The following STAU2 variants were observed in gnomAD, a reference collection of about 807,000 sequenced individuals.
STAU2 encodes the protein double-stranded RNA-binding protein Staufen homolog 2.
A neutral mutation model predicts 65.9 loss-of-function variants in STAU2; 20 were observed. The ratio of observed to expected loss-of-function variants is 0.30; its 90% confidence interval spans 0.21 to 0.44. The LOEUF is 0.44. STAU2 is among the 20% of genes least tolerant of loss of function. The probability of loss-of-function intolerance (pLI) is 1.00; values close to 1 mark genes in which losing one functional copy is unlikely to be tolerated. For missense variants in STAU2, 558 were observed against 683.9 expected (o/e 0.82, Z 2.05); for synonymous variants, 232 against 233.9 (o/e 0.99, Z 0.07).
intron 6 of STAU2, among the ~76,000 whole-genome samples, chr8:73,662,343 C>T (rs1816891286): frequency 6.6e-6 from 1 of 152,062 alleles, no homozygotes; most frequent in Non-Finnish European, 1.5e-5. Context: ...TAAAAAGTGT[C>T]TTTCTAGTAC....
intron 6 of STAU2, chr8:73,653,933 T>A (rs1286718294): frequency 1.2e-5 from 5 of 424,322 alleles, no homozygotes; most frequent in Non-Finnish European, 4.7e-6. Context: ...TAGAATCAAG[T>A]TGTATAGCTT....
Position 73,644,376 on chromosome 8 carries a change from T to C in STAU2, c.411-26925A>G, listed in dbSNP as rs1269204307. On this transcript the variant is annotated intron_variant, in intron 6 of 14. Coordinates refer to ENST00000524300, the MANE Select transcript of STAU2 (RefSeq NM_001164380.2). ...AGAAGGATCACTTGAGCCCAGGAGT[T>C]TGGGGCTGCAGTGAACTATGATTAT... 2.0e-5 allele frequency among the ~76,000 whole-genome samples: 3 copies of C among 151,900 alleles called. No individual in the cohort carries two copies. In the South Asian group the frequency reaches 6.2e-4, roughly 31 times the overall value.
Position 73,447,962 on chromosome 8 carries a change from G to A in STAU2, c.1531-25260C>T, listed in dbSNP as rs181769877. Among the ~76,000 whole-genome samples the A allele has an allele frequency of 2.2e-3, 329 of 152,212 alleles. 1 individual carries two copies. Among genetic ancestry groups the A allele is most frequent in the African/African-American group, 6.7e-3 (279 of 41,540 alleles). The stretch of plus-strand genomic sequence containing the variant: ...TCCCATGAGTGCACACACTGGCTAC[G>A]GCATCCATCGATGGGATTTTTAGCC... On this transcript the variant is annotated intron_variant, in intron 13 of 14. Transcript: ENST00000524300.
chr8:73,511,895 AT>A, intron 13 of STAU2, among the ~76,000 whole-genome samples: 1 of 152,206 alleles, frequency 6.6e-6, no homozygotes, highest in East Asian at 1.9e-4. Flanking sequence ...TGGGTTTTAC[AT>A]TTAAGTCTAT....
intron 13 of STAU2, among the ~76,000 whole-genome samples, chr8:73,460,705 A>T (rs750201491): frequency 6.6e-6 from 1 of 152,184 alleles, no homozygotes; most frequent in Non-Finnish European, 1.5e-5. Context: ...AGGCATTATC[A>T]GTTGCTTCTG....
intron 12 of STAU2, among the ~76,000 whole-genome samples, chr8:73,560,111 C>T (rs1454726896): frequency 1.0e-4 from 14 of 134,666 alleles, no homozygotes; most frequent in African/African-American, 2.0e-4. Flanking sequence ...GACAGAGTCT[C>T]GCTCTGTCCC....
At chr8:73,545,922 CAG>C (rs765035532) in intron 13 of STAU2, among the ~76,000 whole-genome samples, 18 of 151,930 alleles carry the variant, frequency 1.2e-4, no homozygotes, top group Admixed American at 2.0e-4. Context: ...GCAGGGATTA[CAG>C]GCATGAGCCA....
intron 2 of STAU2, among the ~76,000 whole-genome samples, chr8:73,739,232 CAA>C (rs34324889): frequency 2.8e-5 from 3 of 106,430 alleles, no homozygotes; most frequent in Admixed American, 1.1e-4. Context: ...GACTCCATCT[CAA>C]AAAAAAAAAA....
rs995200939 is a variant in STAU2, at chr8:73,422,464, G to A, written c.1619+150C>T. On this transcript the variant is annotated intron_variant, in intron 14 of 14. Coordinates refer to ENST00000524300, the MANE Select transcript of STAU2 (RefSeq NM_001164380.2). The stretch of plus-strand genomic sequence containing the variant: ...GGAGATGTATATGGCCATATATACT[G>A]GTTTTCATTTCTTTACATTTAATTG... 12 of 598,634 alleles carry A rather than the reference G, an allele frequency of 2.0e-5. No individual in the cohort carries two copies. The African/African-American group carries it at 2.2e-4, about 11-fold the overall frequency. 37.1% of individuals were successfully genotyped at this position (598,634 alleles called of 1,614,324 possible).
intron 12 of STAU2, among the ~76,000 whole-genome samples, chr8:73,574,479 C>A (rs1361925452): frequency 3.3e-5 from 5 of 152,150 alleles, no homozygotes; most frequent in African/African-American, 1.2e-4. Flanking sequence ...CAGCACTATT[C>A]ACAATAGCAA....
intron 12 of STAU2, among the ~76,000 whole-genome samples, chr8:73,564,599 AG>A (rs35714650): frequency 0.11 from 17,246 of 152,162 alleles, 1,285 homozygotes; most frequent in Non-Finnish European, 0.17. Flanking sequence ...CTGTATGACA[AG>A]CCCCCATGAC....
At chr8:73,720,068 G>C (rs1235005360) in intron 3 of STAU2, among the ~76,000 whole-genome samples, 1 of 152,080 alleles carries the variant, frequency 6.6e-6, no homozygotes, top group Non-Finnish European at 1.5e-5. Context: ...CTTGAGCCCA[G>C]GAGTTGGAGA....
At chr8:73,567,863 G>C (rs997940021) in intron 12 of STAU2, among the ~76,000 whole-genome samples, 1 of 152,104 alleles carries the variant, frequency 6.6e-6, no homozygotes, top group Admixed American at 6.5e-5. Flanking sequence ...GGGGGAGGGG[G>C]GAGTTGGGCA....
intron 13 of STAU2, among the ~76,000 whole-genome samples, chr8:73,505,024 G>A (rs966103054): frequency 1.3e-5 from 2 of 151,988 alleles, no homozygotes; most frequent in African/African-American, 4.8e-5. Context: ...CTTAGGTGGG[G>A]ACCAAATCTA....
chr8:73,744,370 A>C (rs547449471), intron 1 of STAU2, among the ~76,000 whole-genome samples: 16 of 152,152 alleles, frequency 1.1e-4, no homozygotes, highest in African/African-American at 3.6e-4. Flanking sequence ...TCAATTTTGC[A>C]GTATCTAGAG....
chr8:73,469,851 T>A (rs530933886), intron 13 of STAU2, among the ~76,000 whole-genome samples: 1 of 152,332 alleles, frequency 6.6e-6, no homozygotes, highest in South Asian at 2.1e-4. Context: ...GGGAAACCGC[T>A]GAGCAGATTT....
At chr8:73,589,584 T>C (rs550506557) in intron 11 of STAU2, among the ~76,000 whole-genome samples, 1 of 152,258 alleles carries the variant, frequency 6.6e-6, no homozygotes, top group East Asian at 1.9e-4. Flanking sequence ...GATCAAAACA[T>C]TGATGTCATT....
At chr8:73,620,851 A>T (rs527902618) in intron 6 of STAU2, among the ~76,000 whole-genome samples, 45 of 152,318 alleles carry the variant, frequency 3.0e-4, no homozygotes, top group African/African-American at 1.1e-3. Flanking sequence ...TACCTTATAT[A>T]TCACATCTCC....
At chr8:73,709,888 A>G (rs1010154949) in intron 3 of STAU2, among the ~76,000 whole-genome samples, 1 of 152,064 alleles carries the variant, frequency 6.6e-6, no homozygotes, top group East Asian at 1.9e-4. Context: ...ATGGTATTAT[A>G]GCATTATAAT....
Sources: allele counts gnomAD v4.1 joint callset (sites outside exome capture counted in the v4.1 genomes callset), GRCh38; gene constraint gnomAD v4.1.1; transcripts MANE v1.5; gene names NCBI Gene and HGNC (gene_info 2026-07-23, HGNC 2026-07-21).